The following FRMD4B variants were observed in gnomAD, a reference collection of about 807,000 sequenced individuals.
The protein encoded by FRMD4B is FERM domain containing 4B.
FRMD4B carries 74 observed loss-of-function variants against 141.5 expected under a neutral mutation model. That is an observed-to-expected ratio of 0.52 (90% CI 0.43 to 0.63). The LOEUF is 0.63. Ranked by LOEUF, FRMD4B falls within the 30% of genes least tolerant of loss-of-function variation. The probability of loss-of-function intolerance (pLI) is 0.00; values close to 1 mark genes in which losing one functional copy is unlikely to be tolerated. For synonymous variants in FRMD4B, 506 were observed against 467.9 expected (o/e 1.08, Z -1.05); for missense variants, 1,366 against 1,253.4 (o/e 1.09, Z -1.36).
At position 69,247,072 on chromosome 3, in the gene FRMD4B, A is replaced by G. The variant is rs190364941; in HGVS notation, c.581+2154T>C. On this transcript the variant is annotated intron_variant, in intron 7 of 22. Coordinates refer to ENST00000398540, the MANE Select transcript of FRMD4B (RefSeq NM_015123.3). ...GTCTCAAAAGTCTCATCAGAGGTAG[A>G]TAAGAGACCAGATAGGATGATAGTA... 7.9e-5 allele frequency among the ~76,000 whole-genome samples: 12 copies of G among 152,338 alleles called. No individual in the cohort carries two copies. The East Asian group carries it at 2.3e-3, about 29-fold the overall frequency.
intron 1 of FRMD4B, among the ~76,000 whole-genome samples, chr3:69,482,218 A>G (rs1217928736): frequency 6.6e-6 from 1 of 152,152 alleles, no homozygotes; most frequent in Non-Finnish European, 1.5e-5. Flanking sequence ...TTTAAGGGGT[A>G]GGGAGTAGGG....
intron 1 of FRMD4B, among the ~76,000 whole-genome samples, chr3:69,438,279 T>C (rs1209094901): frequency 1.3e-5 from 2 of 151,566 alleles, no homozygotes; most frequent in Admixed American, 6.6e-5. Flanking sequence ...TAACTTTTAA[T>C]TTTTTTTGTA....
intron 1 of FRMD4B, among the ~76,000 whole-genome samples, chr3:69,350,228 C>T (rs549588099): frequency 5.9e-5 from 9 of 152,312 alleles, no homozygotes; most frequent in African/African-American, 2.2e-4. Flanking sequence ...AAAAAATGCT[C>T]ATCATCACTG....
At chr3:69,392,933 G>C (rs929829020) in intron 2 of FRMD4B, among the ~76,000 whole-genome samples, 3 of 152,002 alleles carry the variant, frequency 2.0e-5, no homozygotes, top group African/African-American at 7.3e-5. Context: ...AGAGATTAAG[G>C]GGCATCCTTC....
intron 2 of FRMD4B, among the ~76,000 whole-genome samples, chr3:69,392,815 C>T (rs749091802): frequency 7.2e-5 from 11 of 152,056 alleles, no homozygotes; most frequent in Middle Eastern, 3.2e-3. Flanking sequence ...ACATCCCATT[C>T]CAAAAAGGAG....
intron 2 of FRMD4B, among the ~76,000 whole-genome samples, chr3:69,423,642 G>C (rs1705022147): frequency 6.6e-6 from 1 of 152,156 alleles, no homozygotes; most frequent in Admixed American, 6.5e-5. Flanking sequence ...ATAGGAGATA[G>C]GGCCTCTGGG....
chr3:69,256,795 A>C (rs1335418553), intron 5 of FRMD4B, among the ~76,000 whole-genome samples: 1 of 152,092 alleles, frequency 6.6e-6, no homozygotes, highest in African/African-American at 2.4e-5. Flanking sequence ...TAGCTACTAC[A>C]TTTGCACCCC....
chr3:69,271,615 GT>G (rs2093594721), intron 5 of FRMD4B, among the ~76,000 whole-genome samples: 1 of 152,170 alleles, frequency 6.6e-6, no homozygotes, highest in Non-Finnish European at 1.5e-5. Flanking sequence ...AGAAAAACAT[GT>G]GGAAAACCAG....
At chr3:69,381,170 T>G (rs764691525) in intron 1 of FRMD4B, among the ~76,000 whole-genome samples, 2 of 152,232 alleles carry the variant, frequency 1.3e-5, no homozygotes, top group African/African-American at 2.4e-5. Context: ...TTAGTCTCAT[T>G]ACTACAGAAA....
At chr3:69,434,501 T>A (rs1196520736) in intron 1 of FRMD4B, among the ~76,000 whole-genome samples, 4 of 152,074 alleles carry the variant, frequency 2.6e-5, no homozygotes, top group Non-Finnish European at 5.9e-5. Context: ...GAAATATGCA[T>A]CTACTTGAAA....
chr3:69,440,844 A>G (rs1705331502), intron 1 of FRMD4B, among the ~76,000 whole-genome samples: 1 of 152,224 alleles, frequency 6.6e-6, no homozygotes, highest in Non-Finnish European at 1.5e-5. Context: ...ATTTGCATTC[A>G]TATTTCAGAA....
intron 1 of FRMD4B, chr3:69,353,743 A>T: frequency 1.0e-6 from 1 of 977,038 alleles, no homozygotes; most frequent in Non-Finnish European, 1.2e-6. Context: ...CTGCCATATA[A>T]TCTCAAGGAA....
At chr3:69,515,291 A>G (rs905198476) in intron 1 of FRMD4B, among the ~76,000 whole-genome samples, 5 of 152,170 alleles carry the variant, frequency 3.3e-5, no homozygotes. Flanking sequence ...TCCACCAGGT[A>G]CCACCTCCTA....
intron 2 of FRMD4B, among the ~76,000 whole-genome samples, chr3:69,409,649 A>G (rs911754001): frequency 6.6e-5 from 10 of 152,178 alleles, no homozygotes; most frequent in Non-Finnish European, 1.5e-4. Context: ...GGCATAAACC[A>G]ATTGGCATGT....
intron 11 of FRMD4B, among the ~76,000 whole-genome samples, chr3:69,201,396 T>C (rs186347060): frequency 4.7e-4 from 72 of 152,240 alleles, no homozygotes; most frequent in Middle Eastern, 6.8e-3. Context: ...TTTACAGGTA[T>C]TGTCATATCT....
chr3:69,284,120 G>C (rs2093656678), intron 5 of FRMD4B, among the ~76,000 whole-genome samples: 1 of 152,172 alleles, frequency 6.6e-6, no homozygotes, highest in African/African-American at 2.4e-5. Flanking sequence ...GCTGTGGAGG[G>C]AGAAACACAG....
intron 1 of FRMD4B, among the ~76,000 whole-genome samples, chr3:69,366,999 T>C (rs1170721603): frequency 6.6e-6 from 1 of 152,152 alleles, no homozygotes; most frequent in African/African-American, 2.4e-5. Context: ...ACTCCTGGAC[T>C]CAAGTGATCC....
At chr3:69,504,105 CCTT>C (rs922538050) in intron 1 of FRMD4B, among the ~76,000 whole-genome samples, 5 of 152,028 alleles carry the variant, frequency 3.3e-5, no homozygotes, top group African/African-American at 9.7e-5. Flanking sequence ...TTTTTTGAGA[CCTT>C]CTTCTAAAGC....
At chr3:69,243,695 C>A (rs1053279378) in intron 7 of FRMD4B, among the ~76,000 whole-genome samples, 1 of 152,126 alleles carries the variant, frequency 6.6e-6, no homozygotes, top group Non-Finnish European at 1.5e-5. Flanking sequence ...TTACTTTGTT[C>A]AATGGAGATA....
Sources: allele counts gnomAD v4.1 joint callset (sites outside exome capture counted in the v4.1 genomes callset), GRCh38; gene constraint gnomAD v4.1.1; transcripts MANE v1.5; gene names NCBI Gene and HGNC (gene_info 2026-07-23, HGNC 2026-07-21).